SLC6A18: variants seen among roughly 807,000 people sequenced by gnomAD.
The protein encoded by SLC6A18 is inactive sodium-dependent neutral amino acid transporter B(0)AT3.
Under a neutral mutation model 62.9 loss-of-function variants are expected in SLC6A18, and 58 were observed. The observed-to-expected ratio is 0.92, with a 90% CI of 0.75 to 1.15. SLC6A18 has a LOEUF of 1.15. Among genes scored for constraint, SLC6A18 ranks in the 50% most tolerant of loss-of-function variants. The pLI is 0.00. For synonymous variants in SLC6A18, 382 were observed against 365.8 expected (o/e 1.04, Z -0.51); for missense variants, 793 against 836.6 (o/e 0.95, Z 0.64).
intron 11 of SLC6A18, 23 bp from the exon 12 acceptor site, chr5:1,245,825 C>T: frequency 6.3e-7 from 1 of 1,592,526 alleles, no homozygotes; most frequent in Non-Finnish European, 8.6e-7. Flanking sequence ...CCGGCGCCAG[C>T]TAATGAGGCT....
chr5:1,229,635 T>C (rs746045277), intron 1 of SLC6A18, among the ~76,000 whole-genome samples: 3 of 152,028 alleles, frequency 2.0e-5, no homozygotes, highest in Non-Finnish European at 4.4e-5. Context: ...CCCACATCTG[T>C]CCTCCACCCG....
chr5:1,244,617 T>C lies in SLC6A18; in HGVS notation c.1506T>C (p.Asp502=), dbSNP rs773104238. 7.5e-6 allele frequency: 12 copies of C among 1,598,180 alleles called. No individual in the cohort carries two copies. The highest frequency in any genetic ancestry group is 5.1e-5 in the Admixed American group (3 of 59,184). The part of the protein sequence containing the change: ...VYVYGMKRFC[D]DIAWMTGRRP... ...CCAGCATCTGGTGCAGGTTCTGCGATGACATTGCGTGGATGACCGGGAGGC... is the reference window on the plus strand; with the variant it reads ...CCAGCATCTGGTGCAGGTTCTGCGACGACATTGCGTGGATGACCGGGAGGC... Residue 502 remains aspartate (D), a synonymous_variant, in exon 11 of 12, where the codon GAT becomes GAC. Transcript: ENST00000324642.
intron 5 of SLC6A18, among the ~76,000 whole-genome samples, chr5:1,239,202 T>C (rs1019094045): frequency 1.9e-4 from 29 of 152,358 alleles, no homozygotes; most frequent in African/African-American, 7.0e-4. Flanking sequence ...AGCTACGTTC[T>C]CATGTGCGCC....
chr5:1,245,133 C>T (rs1403276456), intron 11 of SLC6A18, among the ~76,000 whole-genome samples: 5 of 152,182 alleles, frequency 3.3e-5, no homozygotes, highest in Admixed American at 6.5e-5. Flanking sequence ...GGCATGGGGA[C>T]GGGCAGCCGG....
intron 3 of SLC6A18, 135 bp from the exon 4 acceptor site, chr5:1,235,346 C>G (rs1173693770): frequency 1.3e-6 from 1 of 770,910 alleles, no homozygotes; most frequent in African/African-American, 1.8e-5. Flanking sequence ...CAGCCCTGGG[C>G]CCAAAAAGAA....
chr5:1,227,785 A>G (rs368288039), intron 1 of SLC6A18, among the ~76,000 whole-genome samples: 1 of 152,208 alleles, frequency 6.6e-6, no homozygotes, highest in South Asian at 2.1e-4. Context: ...TTTATTACAC[A>G]TTCAGCGTCT....
chr5:1,234,089 G>A (rs1008902885), intron 3 of SLC6A18, among the ~76,000 whole-genome samples: 3 of 152,032 alleles, frequency 2.0e-5, no homozygotes, highest in African/African-American at 7.2e-5. Flanking sequence ...TCAATATGTT[G>A]CCCAGGATGA....
intron 3 of SLC6A18, among the ~76,000 whole-genome samples, chr5:1,234,575 G>A (rs561410462): frequency 1.3e-5 from 2 of 152,370 alleles, no homozygotes; most frequent in South Asian, 2.1e-4. Context: ...CAGGCCGAGA[G>A]GAGTTAAGTC....
intron 1 of SLC6A18, among the ~76,000 whole-genome samples, chr5:1,230,700 T>C (rs1746709578): frequency 6.6e-6 from 1 of 152,102 alleles, no homozygotes. Context: ...CCTGGCAAAG[T>C]GGAGCTGATG....
Position 1,238,617 on chromosome 5 carries a change from G to A in SLC6A18, c.732+557G>A, listed in dbSNP as rs76875991. 3.9e-4 allele frequency among the ~76,000 whole-genome samples: 12 copies of A among 31,062 alleles called. 3 individuals are homozygous for A. The highest frequency in any genetic ancestry group is 2.4e-3 in the African/African-American group (4 of 1,634). 20.4% of individuals were successfully genotyped at this position (31,062 alleles called of 152,430 possible). A position where few individuals can be genotyped will look rare whatever the true frequency, so the allele number is the denominator to read the frequency against. ...GTGAGCCAGGGGCCTCAGGAAAGAG[G>A]TCAGGTTTGGAGTGAGCCTGGAGGA... On this transcript the variant is annotated intron_variant, in intron 5 of 11. Coordinates refer to ENST00000324642, the MANE Select transcript of SLC6A18 (RefSeq NM_182632.3).
At position 1,243,674 on chromosome 5, in the gene SLC6A18, C is replaced by G; in HGVS notation, c.1251C>G (p.Thr417=). The G allele has an allele frequency of 6.2e-7, 1 of 1,614,064 alleles. No individual in the cohort carries two copies. Among genetic ancestry groups the G allele is most frequent in the Non-Finnish European group, 8.5e-7 (1 of 1,179,984 alleles). Residue 417 remains threonine (T), a synonymous_variant, in exon 9 of 12, where the codon ACC becomes ACG. Coordinates refer to ENST00000324642, the MANE Select transcript of SLC6A18 (RefSeq NM_182632.3). The surrounding 1 kb of genome is among the most constrained non-coding windows in gnomAD (Gnocchi z 6.5). ...TGCTGTTCACCTTGGGGCTATCGAC[C>G]ATGTTCGGGACCGTGGAGGCGGTCA... ...FGMLFTLGLS[T]MFGTVEAVIT... is the part of the protein sequence containing the mutation.
intron 5 of SLC6A18, among the ~76,000 whole-genome samples, chr5:1,238,703 G>A (rs1004327382): frequency 1.3e-5 from 2 of 152,188 alleles, no homozygotes; most frequent in Non-Finnish European, 2.9e-5. Context: ...GGGGCAGGTG[G>A]ACTTTGGCAC....
At position 1,244,335 on chromosome 5, in the gene SLC6A18, C is replaced by T. The variant is rs367707774; in HGVS notation, c.1458C>T (p.Leu486=). 265 of 1,614,152 alleles carry T rather than the reference C, an allele frequency of 1.6e-4. 1 individual carries two copies. In the South Asian group the frequency reaches 2.7e-3, roughly 16 times the overall value. ...ASPNLLMLAF[L]EVVGVVYVYG... is the part of the protein sequence containing the mutation. ...CGAACCTGCTCATGTTGGCCTTTCT[C>T]GAGGTTGTGGGTGTCGTTTATGTTT... is the stretch of plus-strand genomic sequence containing the variant. The change falls in exon 10 of 12, where the codon CTC becomes CTT. Residue 486 remains leucine (L), a synonymous_variant. Transcript: ENST00000324642.
chr5:1,233,488 C>T (rs908857982), intron 3 of SLC6A18, among the ~76,000 whole-genome samples: 8 of 151,996 alleles, frequency 5.3e-5, no homozygotes, highest in South Asian at 2.1e-4. Context: ...AAAAAACAAT[C>T]GAACAAACAA....
intron 3 of SLC6A18, among the ~76,000 whole-genome samples, chr5:1,233,784 C>G (rs936887994): frequency 1.4e-5 from 2 of 146,966 alleles, no homozygotes; most frequent in Non-Finnish European, 3.0e-5. Context: ...CTCTGTCGCC[C>G]AGGCTGGAGT....
At position 1,232,375 on chromosome 5, in the gene SLC6A18, C is replaced by A; in HGVS notation, c.301+16C>A. On this transcript the variant is annotated intron_variant, in intron 2 of 11. Transcript: ENST00000324642. Reference sequence around the variant, plus strand: ...AGTGGAGTAGGTAGGCCACCGTCCTCGCTTGCCCTGACTGAGGCTGCCAGG... The same window carrying A: ...AGTGGAGTAGGTAGGCCACCGTCCTAGCTTGCCCTGACTGAGGCTGCCAGG... 1 of 1,603,520 alleles carries A rather than the reference C, an allele frequency of 6.2e-7. No homozygotes were observed.
intron 1 of SLC6A18, among the ~76,000 whole-genome samples, chr5:1,230,390 C>G (rs1274669444): frequency 9.2e-5 from 14 of 152,150 alleles, no homozygotes; most frequent in Non-Finnish European, 5.9e-5. Context: ...CTGTTCCCAC[C>G]CTCCCAGGAG....
In SLC6A18 at chr5:1,229,179, C is replaced by T. The variant is rs542116540; in HGVS notation, c.161-3040C>T. Among the ~76,000 whole-genome samples, 222 of 152,238 alleles carry T rather than the reference C, an allele frequency of 1.5e-3. 2 individuals carry two copies. Among genetic ancestry groups the T allele is most frequent in the African/African-American group, 4.4e-3 (182 of 41,542 alleles). On this transcript the variant is annotated intron_variant, in intron 1 of 11. Transcript: ENST00000324642. ...GCCGCTGTACCACAGAGTCGACGTTCCTGTTTCGTGAAGATCCCAGCTGTG... is the reference window on the plus strand; with the variant it reads ...GCCGCTGTACCACAGAGTCGACGTTTCTGTTTCGTGAAGATCCCAGCTGTG...
intron 1 of SLC6A18, among the ~76,000 whole-genome samples, chr5:1,231,910 A>G (rs1482430943): frequency 1.3e-5 from 2 of 152,138 alleles, no homozygotes; most frequent in African/African-American, 4.8e-5. Context: ...CTGGTCCCTC[A>G]GCAAACGCAA....
Sources: allele counts gnomAD v4.1 joint callset (sites outside exome capture counted in the v4.1 genomes callset), GRCh38; gene constraint gnomAD v4.1.1; non-coding constraint Gnocchi (gnomAD v3.1); transcripts MANE v1.5; gene names NCBI Gene and HGNC (gene_info 2026-07-23, HGNC 2026-07-21).